CDH2: variants seen among roughly 807,000 people sequenced by gnomAD.
The protein encoded by CDH2 is cadherin-2.
CDH2 carries 17 observed loss-of-function variants against 92.0 expected under a neutral mutation model. The ratio of observed to expected loss-of-function variants is 0.18; its 90% confidence interval spans 0.13 to 0.28. The LOEUF (loss-of-function observed/expected upper bound fraction) is 0.28. CDH2 is among the 10% of genes least tolerant of loss of function. The probability of loss-of-function intolerance (pLI) is 1.00; values close to 1 mark genes in which losing one functional copy is unlikely to be tolerated. For missense variants in CDH2, 862 were observed against 1,133.1 expected (o/e 0.76, Z 3.44); for synonymous variants, 419 against 415.9 (o/e 1.01, Z -0.09).
intron 2 of CDH2, among the ~76,000 whole-genome samples, chr18:28,137,706 G>A (rs115184340): frequency 0.014 from 2,175 of 152,166 alleles, 54 homozygotes; most frequent in African/African-American, 0.05. Context: ...TCCTCAAGAT[G>A]AAATGGACAC....
chr18:27,959,020 T>C (rs2011328760), intron 15 of CDH2, among the ~76,000 whole-genome samples: 1 of 152,184 alleles, frequency 6.6e-6, no homozygotes, highest in African/African-American at 2.4e-5. Context: ...CAGTTTTTCA[T>C]AGCAGCGTGA....
At chr18:28,037,118 T>A (rs189464116) in intron 2 of CDH2, among the ~76,000 whole-genome samples, 3 of 152,308 alleles carry the variant, frequency 2.0e-5, no homozygotes, top group African/African-American at 4.8e-5. Context: ...TGGTTTCATA[T>A]CCTAAATTGG....
intron 2 of CDH2, among the ~76,000 whole-genome samples, chr18:28,126,670 C>T (rs1446349637): frequency 1.3e-5 from 2 of 152,232 alleles, no homozygotes; most frequent in African/African-American, 4.8e-5. Context: ...CTCCAATTTT[C>T]TATTAAATAA....
At chr18:27,991,062 T>C (rs193279404) in intron 9 of CDH2, among the ~76,000 whole-genome samples, 1 of 152,306 alleles carries the variant, frequency 6.6e-6, no homozygotes, top group East Asian at 1.9e-4. Flanking sequence ...ATAAATGCAA[T>C]GCACAAATAA....
chr18:28,063,380 A>T (rs182528554), intron 2 of CDH2, among the ~76,000 whole-genome samples: 1 of 152,346 alleles, frequency 6.6e-6, no homozygotes, highest in African/African-American at 2.4e-5. Context: ...GCAGAAGAAT[A>T]ACACACTGTT....
At chr18:27,948,793 G>A (rs1240842461), downstream of CDH2, among the ~76,000 whole-genome samples, 1 of 151,912 alleles carries the variant, frequency 6.6e-6, no homozygotes, top group African/African-American at 2.4e-5. Flanking sequence ...TTGAGGATGA[G>A]TGTAAATATA....
chr18:28,070,014 C>T (rs1046059283), intron 2 of CDH2, among the ~76,000 whole-genome samples: 7 of 152,028 alleles, frequency 4.6e-5, no homozygotes, highest in Non-Finnish European at 7.4e-5. Flanking sequence ...TAGGCAGAGG[C>T]GAATCAATAG....
intron 2 of CDH2, among the ~76,000 whole-genome samples, chr18:28,067,446 A>C (rs1194451320): frequency 6.6e-6 from 1 of 152,058 alleles, no homozygotes; most frequent in Non-Finnish European, 1.5e-5. Context: ...TCTCTATAAG[A>C]TTTACCTAAA....
intron 1 of CDH2, among the ~76,000 whole-genome samples, chr18:28,168,168 C>T (rs545337774): frequency 2.0e-5 from 3 of 152,158 alleles, no homozygotes; most frequent in African/African-American, 7.2e-5. Flanking sequence ...CAAGACATTT[C>T]GTGCAAGATT....
intron 2 of CDH2, among the ~76,000 whole-genome samples, chr18:28,042,093 A>G (rs1184708007): frequency 6.6e-6 from 1 of 152,092 alleles, no homozygotes; most frequent in Non-Finnish European, 1.5e-5. Flanking sequence ...GCTAATAAGC[A>G]CTTTTCATTT....
intron 2 of CDH2, among the ~76,000 whole-genome samples, chr18:28,102,668 C>T (rs1051749384): frequency 6.6e-6 from 1 of 152,024 alleles, no homozygotes; most frequent in Non-Finnish European, 1.5e-5. Context: ...ATTAAATATA[C>T]AAAATCCTAA....
intron 13 of CDH2, among the ~76,000 whole-genome samples, chr18:27,984,116 G>GA (rs1315740713): frequency 6.6e-6 from 1 of 152,096 alleles, no homozygotes; most frequent in African/African-American, 2.4e-5. Flanking sequence ...CTCCACACAG[G>GA]AAGTAAAAAA....
At chr18:28,144,078 T>C (rs753014527) in intron 2 of CDH2, among the ~76,000 whole-genome samples, 2 of 151,398 alleles carry the variant, frequency 1.3e-5, no homozygotes, top group African/African-American at 2.4e-5. Context: ...GACAGGTTGA[T>C]AGATGCAGCA....
At chr18:28,137,045 T>G (rs1457266056) in intron 2 of CDH2, among the ~76,000 whole-genome samples, 1 of 152,130 alleles carries the variant, frequency 6.6e-6, no homozygotes, top group African/African-American at 2.4e-5. Flanking sequence ...AAAAAAAAGT[T>G]GAACTGGAAA....
At chr18:28,123,535 T>C (rs1395391857) in intron 2 of CDH2, among the ~76,000 whole-genome samples, 2 of 152,190 alleles carry the variant, frequency 1.3e-5, no homozygotes, top group Non-Finnish European at 2.9e-5. Context: ...GGTTTTTGGA[T>C]GAACCCAGGA....
chr18:28,099,820 G>A (rs2015197616), intron 2 of CDH2, among the ~76,000 whole-genome samples: 1 of 152,078 alleles, frequency 6.6e-6, no homozygotes, highest in Admixed American at 6.6e-5. Flanking sequence ...GATCTCTTTT[G>A]AAAATCTTAC....
Position 28,071,972 on chromosome 18 carries a change from T to C in CDH2, c.173-58063A>G, listed in dbSNP as rs118067587. Among the ~76,000 whole-genome samples, 6 of 152,256 alleles carry C rather than the reference T, an allele frequency of 3.9e-5. No individual in the cohort carries two copies. In the East Asian group the frequency reaches 9.7e-4, roughly 25 times the overall value. On this transcript the variant is annotated intron_variant, in intron 2 of 15. Transcript: ENST00000269141. Reference sequence around the variant, plus strand: ...TCAAGTTACAATAGAGATAATGACATTGCTCTTGATAAGGTCACCAATGAC... The same window carrying C: ...TCAAGTTACAATAGAGATAATGACACTGCTCTTGATAAGGTCACCAATGAC...
intron 2 of CDH2, among the ~76,000 whole-genome samples, chr18:28,046,409 T>TA (rs2014077321): frequency 6.6e-6 from 1 of 152,206 alleles, no homozygotes; most frequent in Non-Finnish European, 1.5e-5. Context: ...TGTTGATAGT[T>TA]ATGCTATAAT....
intron 7 of CDH2, among the ~76,000 whole-genome samples, chr18:27,995,893 G>A (rs1054723507): frequency 6.6e-6 from 1 of 152,152 alleles, no homozygotes; most frequent in African/African-American, 2.4e-5. Flanking sequence ...TATTTAGTAA[G>A]GAAGGCTTGA....
Sources: allele counts gnomAD v4.1 joint callset (sites outside exome capture counted in the v4.1 genomes callset), GRCh38; gene constraint gnomAD v4.1.1; transcripts MANE v1.5; gene names NCBI Gene and HGNC (gene_info 2026-07-23, HGNC 2026-07-21).